The following METRNL variants were observed in gnomAD, a reference collection of about 807,000 sequenced individuals.
The protein encoded by METRNL is meteorin-like protein.
Under a neutral mutation model 17.4 loss-of-function variants are expected in METRNL, and 9 were observed. The ratio of observed to expected loss-of-function variants is 0.52; its 90% confidence interval spans 0.31 to 0.90. The LOEUF (loss-of-function observed/expected upper bound fraction) is 0.90. Among genes scored for constraint, METRNL ranks in the 40% least tolerant of loss-of-function variants. The pLI is 0.05. For synonymous variants in METRNL, 215 were observed against 199.3 expected (o/e 1.08, Z -0.66); for missense variants, 408 against 430.7 (o/e 0.95, Z 0.47).
At chr17:83,085,381 T>C (rs1389529806) in intron 2 of METRNL, 58 bp downstream of exon 2, 2 of 1,497,646 alleles carry the variant, frequency 1.3e-6, no homozygotes, top group Admixed American at 4.6e-5. Context: ...GCTGGTGATG[T>C]GGCAGGTGTC....
rs565785213 is a variant in METRNL, at chr17:83,091,543, C to G, written c.557-1624C>G. ...CCCCAGAAGGCCTCTGAGCAGCTGT[C>G]CCCGCCTTGGCCAAGGTGCCAGATA... On this transcript the variant is annotated intron_variant, in intron 2 of 3. Transcript: ENST00000320095. Among the ~76,000 whole-genome samples, 41 of 152,364 alleles carry G rather than the reference C, an allele frequency of 2.7e-4. 1 individual carries two copies. In the South Asian group the frequency reaches 7.7e-3, roughly 28 times the overall value.
intron 3 of METRNL, among the ~76,000 whole-genome samples, chr17:83,093,551 T>C (rs2038166142): frequency 6.6e-6 from 1 of 152,226 alleles, no homozygotes. Context: ...CTGAAGTGCT[T>C]TGTAAACAGC....
At chr17:83,080,837 G>T (rs1239966998) in intron 1 of METRNL, among the ~76,000 whole-genome samples, 2 of 149,860 alleles carry the variant, frequency 1.3e-5, no homozygotes, top group Non-Finnish European at 3.0e-5. Context: ...CCGGGCCTGG[G>T]TCCCGCTTCC....
At chr17:83,091,080 G>A (rs971238539) in intron 2 of METRNL, among the ~76,000 whole-genome samples, 1 of 152,148 alleles carries the variant, frequency 6.6e-6, no homozygotes. Context: ...GTGTGAGTCT[G>A]TACACATCAG....
intron 1 of METRNL, chr17:83,082,158 G>T (rs1455176571): frequency 1.0e-6 from 1 of 985,322 alleles, no homozygotes; most frequent in Non-Finnish European, 1.2e-6. Context: ...CATAAATGTG[G>T]ACCATGAACT....
At position 83,093,184 on chromosome 17, in the gene METRNL, A is replaced by G; in HGVS notation, c.574A>G (p.Ser192Gly). The stretch of plus-strand genomic sequence containing the variant: ...TTCTCCAGCGCCGTGCCGTCCCTGC[A>G]GTGACACCGAGGTGCTCCTAGCCGT... ...HELSAPCRPC[S>G]DTEVLLAVCT... Residue 192 changes from serine (S) to glycine (G), a missense_variant, in exon 3 of 4, where the codon AGT becomes GGT. Ser to Gly is a moderately conservative substitution (Grantham distance 56, BLOSUM62 0). Transcript: ENST00000320095. 6.2e-7 allele frequency: 1 copy of G among 1,608,270 alleles called. No homozygotes were observed. The highest frequency in any genetic ancestry group is 1.1e-5 in the South Asian group (1 of 91,080).
intron 2 of METRNL, among the ~76,000 whole-genome samples, chr17:83,088,510 G>T (rs146443088): frequency 6.6e-6 from 1 of 152,202 alleles, no homozygotes; most frequent in African/African-American, 2.4e-5. Context: ...CTGTGCTTGG[G>T]GTTTGGGGTG....
chr17:83,091,456 G>A (rs377253917), intron 2 of METRNL, among the ~76,000 whole-genome samples: 67 of 152,328 alleles, frequency 4.4e-4, no homozygotes, highest in African/African-American at 1.1e-3. Context: ...CCAGTGCACC[G>A]TAGACTCCAG....
chr17:83,083,426 G>T (rs1409519960), intron 1 of METRNL, among the ~76,000 whole-genome samples: 1 of 152,256 alleles, frequency 6.6e-6, no homozygotes, highest in Non-Finnish European at 1.5e-5. Context: ...GTGACGATGA[G>T]GCTGCATAAG....
intron 2 of METRNL, among the ~76,000 whole-genome samples, chr17:83,090,016 TGG>T (rs1376237305): frequency 6.6e-6 from 1 of 151,952 alleles, no homozygotes; most frequent in African/African-American, 2.4e-5. Flanking sequence ...GCTGAGGTCG[TGG>T]GGCCGTGACT....
In METRNL at chr17:83,094,771, G is replaced by A. The variant is rs985459291; in HGVS notation, c.*196G>A. The stretch of plus-strand genomic sequence containing the variant: ...GCTTCCAGCCAAGGATGCCCTGGCC[G>A]ATTGGAAATGCTGTAAAATGCAAAC... On this transcript the variant is annotated 3_prime_UTR_variant, in exon 4 of 4. Transcript: ENST00000320095. 1.5e-5 allele frequency: 6 copies of A among 406,856 alleles called. No individual in the cohort carries two copies. The highest frequency in any genetic ancestry group is 4.4e-5 in the Admixed American group (1 of 22,724). 25.2% of individuals were successfully genotyped at this position (406,856 alleles called of 1,614,324 possible).
chr17:83,084,925 C>G lies in METRNL; in HGVS notation c.171-13C>G, dbSNP rs373604085. The stretch of plus-strand genomic sequence containing the variant: ...GAGCTCCGGGCCTGGCTGACAGTGT[C>G]TCTCCTCTGCAGCGGGCTGACGCAC... On this transcript the variant is annotated splice_polypyrimidine_tract_variant and intron_variant, in intron 1 of 3. Coordinates refer to ENST00000320095, the MANE Select transcript of METRNL (RefSeq NM_001004431.3). 1.2e-6 allele frequency: 2 copies of G among 1,602,040 alleles called. No homozygotes were observed. Among genetic ancestry groups the G allele is most frequent in the South Asian group, 2.2e-5 (2 of 90,018 alleles).
At position 83,094,302 on chromosome 17, in the gene METRNL, G is replaced by A. The variant is rs2038175465; in HGVS notation, c.663G>A (p.Gln221=). ...AAGTTACCCACGAGCCTGAGCGGCA[G>A]GACTCAGCCATCCACCTGCGCGTGA... is the stretch of plus-strand genomic sequence containing the variant. ...IQQVTHEPER[Q]DSAIHLRVSR... The change falls in exon 4 of 4, where the codon CAG becomes CAA. Residue 221 remains glutamine (Q), a synonymous_variant. Transcript: ENST00000320095. The A allele has an allele frequency of 6.3e-7, 1 of 1,594,148 alleles. No individual in the cohort carries two copies. The highest frequency in any genetic ancestry group is 8.6e-7 in the Non-Finnish European group (1 of 1,165,320).
In METRNL at chr17:83,094,309, G is replaced by A. The variant is rs1182544675; in HGVS notation, c.670G>A (p.Ala224Thr). 1 of 1,598,124 alleles carries A rather than the reference G, an allele frequency of 6.3e-7. No homozygotes were observed. Among genetic ancestry groups the A allele is most frequent in the Admixed American group, 1.7e-5 (1 of 59,406 alleles). The change falls in exon 4 of 4, where the codon GCC becomes ACC. Residue 224 changes from alanine (A) to threonine (T), a missense_variant. By Grantham distance (58) the Ala-to-Thr change is moderately conservative (BLOSUM62 0). Transcript: ENST00000320095. Reference sequence around the variant, plus strand: ...CCACGAGCCTGAGCGGCAGGACTCAGCCATCCACCTGCGCGTGAGCAGACT... The same window carrying A: ...CCACGAGCCTGAGCGGCAGGACTCAACCATCCACCTGCGCGTGAGCAGACT... Reference protein sequence around the residue: ...VTHEPERQDSAIHLRVSRLYR... With the variant: ...VTHEPERQDSTIHLRVSRLYR...
At chr17:83,094,176 C>T (rs937781360) in intron 3 of METRNL, 80 bp from the exon 4 acceptor site, 24 of 1,220,610 alleles carry the variant, frequency 2.0e-5, no homozygotes, top group South Asian at 1.9e-4. Flanking sequence ...CCCATCGATG[C>T]GGGGGCAGGG....
chr17:83,091,007 T>C (rs1489137251), intron 2 of METRNL, among the ~76,000 whole-genome samples: 2 of 151,796 alleles, frequency 1.3e-5, no homozygotes, highest in Admixed American at 6.5e-5. Flanking sequence ...GGGGCCCCCA[T>C]AGGAGAGCGC....
chr17:83,090,571 G>T (rs1304860498), intron 2 of METRNL, among the ~76,000 whole-genome samples: 1 of 139,372 alleles, frequency 7.2e-6, no homozygotes, highest in Non-Finnish European at 1.6e-5. Flanking sequence ...GGCACCTCCT[G>T]CCTCCTGCCT....
intron 2 of METRNL, among the ~76,000 whole-genome samples, chr17:83,090,078 C>A (rs1001974097): frequency 6.6e-6 from 1 of 151,894 alleles, no homozygotes; most frequent in Admixed American, 6.5e-5. Flanking sequence ...GCCCAGGCCC[C>A]GGGGTGGGAC....
chr17:83,084,723 T>C (rs1479108123), intron 1 of METRNL: 12 of 536,804 alleles, frequency 2.2e-5, no homozygotes, highest in East Asian at 1.9e-4. Context: ...GCAGGTGCAC[T>C]GGAAGGAACT....
Sources: gnomAD v4.1 joint callset for allele counts (sites outside exome capture counted in the v4.1 genomes callset) on GRCh38, gnomAD v4.1.1 for gene constraint, MANE v1.5 for transcripts, NCBI Gene and HGNC (gene_info 2026-07-23, HGNC 2026-07-21) for gene names.